FSTL4: variants seen among roughly 807,000 people sequenced by gnomAD.
FSTL4 encodes the protein follistatin-related protein 4.
A neutral mutation model predicts 78.2 loss-of-function variants in FSTL4; 28 were observed. The observed-to-expected ratio is 0.36, with a 90% CI of 0.27 to 0.49. The LOEUF (loss-of-function observed/expected upper bound fraction) is 0.49. FSTL4 is among the 20% of genes least tolerant of loss of function. The probability of loss-of-function intolerance (pLI) is 0.98; values close to 1 mark genes in which losing one functional copy is unlikely to be tolerated. For missense variants in FSTL4, 922 were observed against 1,084.9 expected, an observed-to-expected ratio of 0.85 and a Z score of 2.11; for synonymous variants, 422 against 440.5, an observed-to-expected ratio of 0.96 and a Z score of 0.53.
intron 4 of FSTL4, among the ~76,000 whole-genome samples, chr5:133,371,849 A>G (rs1755312465): frequency 6.6e-6 from 1 of 152,236 alleles, no homozygotes. Flanking sequence ...CTCCCGGGGC[A>G]GAAATTCCTC....
intron 7 of FSTL4, among the ~76,000 whole-genome samples, chr5:133,240,677 C>T (rs1751840185): frequency 6.6e-6 from 1 of 152,102 alleles, no homozygotes; most frequent in South Asian, 2.1e-4. Flanking sequence ...GCGCATGACT[C>T]ATCTCTTCGC....
chr5:133,601,884 A>G (rs35631735), intron 2 of FSTL4, among the ~76,000 whole-genome samples: 11,278 of 151,380 alleles, frequency 0.075, 455 homozygotes, highest in South Asian at 0.18. Flanking sequence ...GGGTTTTGCT[A>G]TGTTGCCCAG....
intron 6 of FSTL4, among the ~76,000 whole-genome samples, chr5:133,291,344 G>A (rs1352756536): frequency 6.6e-6 from 1 of 152,216 alleles, no homozygotes; most frequent in Non-Finnish European, 1.5e-5. Flanking sequence ...AGTAAATTGA[G>A]GGGAGCAGCG....
At chr5:133,268,162 A>G (rs1348873543) in intron 6 of FSTL4, among the ~76,000 whole-genome samples, 2 of 152,234 alleles carry the variant, frequency 1.3e-5, no homozygotes, top group Admixed American at 1.3e-4. Flanking sequence ...TAATCAGAAC[A>G]GAACTGATAA....
intron 3 of FSTL4, among the ~76,000 whole-genome samples, chr5:133,483,145 T>C (rs919051605): frequency 3.9e-5 from 6 of 152,190 alleles, no homozygotes; most frequent in Admixed American, 2.0e-4. Context: ...GCAGTTCCCC[T>C]GCACAAACTC....
chr5:133,407,888 T>G (rs1004154555), intron 3 of FSTL4, among the ~76,000 whole-genome samples: 2 of 152,240 alleles, frequency 1.3e-5, no homozygotes, highest in East Asian at 1.9e-4. Context: ...GTTTGCTTTC[T>G]TAATGAGAGA....
the FSTL4 span, among the ~76,000 whole-genome samples, chr5:133,806,581 T>C: frequency 6.6e-6 from 1 of 152,178 alleles, no homozygotes; most frequent in African/African-American, 2.4e-5. Flanking sequence ...TGCCAACTTG[T>C]TCTTATTAAT....
intron 3 of FSTL4, among the ~76,000 whole-genome samples, chr5:133,466,091 C>T (rs1757700351): frequency 1.3e-5 from 2 of 152,174 alleles, no homozygotes; most frequent in African/African-American, 4.8e-5. Flanking sequence ...AAGTGTTTAC[C>T]CACTTCTTGA....
In FSTL4 at chr5:133,197,605, A is replaced by T. The variant is rs1750182747; in HGVS notation, c.*1490T>A. 6.6e-6 allele frequency: 1 copy of T among 152,262 alleles called. No individual in the cohort carries two copies. The highest frequency in any genetic ancestry group is 2.1e-4 in the South Asian group (1 of 4,830). The allele number at this position is 152,262 out of a possible 1,614,324, so 9.4% of individuals were successfully genotyped here. On this transcript the variant is annotated 3_prime_UTR_variant, in exon 16 of 16. Transcript: ENST00000265342. ...GAGTCTAGGGTTTCCTCTCCTTGAAAGAGTTCATTCCTTAATGGCAAAGGA... is the reference window on the plus strand; with the variant it reads ...GAGTCTAGGGTTTCCTCTCCTTGAATGAGTTCATTCCTTAATGGCAAAGGA...
the FSTL4 span, among the ~76,000 whole-genome samples, chr5:133,741,153 C>T: frequency 4.6e-5 from 7 of 152,302 alleles, no homozygotes; most frequent in East Asian, 7.7e-4. Flanking sequence ...TTTCCAGACA[C>T]GCCTATGCCG....
intron 6 of FSTL4, among the ~76,000 whole-genome samples, chr5:133,280,230 C>A (rs1330780803): frequency 6.6e-6 from 1 of 152,198 alleles, no homozygotes; most frequent in Non-Finnish European, 1.5e-5. Context: ...GCTCTGACCC[C>A]TGGCCAATCA....
At chr5:133,675,834 C>A in the FSTL4 span, among the ~76,000 whole-genome samples, 313 of 152,298 alleles carry the variant, frequency 2.1e-3, no homozygotes, top group Non-Finnish European at 3.6e-3. Context: ...CAGGGGATTG[C>A]AGAAGGGCAG....
At chr5:133,734,931 T>A in the FSTL4 span, among the ~76,000 whole-genome samples, 7 of 152,134 alleles carry the variant, frequency 4.6e-5, no homozygotes, top group African/African-American at 7.2e-5. Context: ...CCATCATGGG[T>A]CAACAAGTGA....
intron 3 of FSTL4, among the ~76,000 whole-genome samples, chr5:133,437,644 C>T (rs1757064159): frequency 6.6e-6 from 1 of 151,896 alleles, no homozygotes; most frequent in Non-Finnish European, 1.5e-5. Flanking sequence ...TGCTCGCCAC[C>T]ACACCCGGTT....
intron 3 of FSTL4, among the ~76,000 whole-genome samples, chr5:133,450,905 C>T (rs961070572): frequency 2.0e-5 from 3 of 152,084 alleles, no homozygotes; most frequent in Non-Finnish European, 4.4e-5. Flanking sequence ...CTGGACAAGA[C>T]CCAGACCCCA....
intron 4 of FSTL4, among the ~76,000 whole-genome samples, chr5:133,345,147 A>AATGAG (rs1222557895): frequency 1.5e-4 from 23 of 152,206 alleles, no homozygotes; most frequent in Non-Finnish European, 2.8e-4. Flanking sequence ...ATATACAAGA[A>AATGAG]ATCTCATTTC....
At chr5:133,774,032 G>A in the FSTL4 span, among the ~76,000 whole-genome samples, 1 of 152,174 alleles carries the variant, frequency 6.6e-6, no homozygotes, top group African/African-American at 2.4e-5. Flanking sequence ...TAAGAGCAAT[G>A]GTGATTATGA....
the FSTL4 span, among the ~76,000 whole-genome samples, chr5:133,660,844 C>T: frequency 6.6e-6 from 1 of 152,148 alleles, no homozygotes; most frequent in African/African-American, 2.4e-5. Context: ...ATTATTGTTT[C>T]CAAGGAGTAA....
Position 133,400,996 on chromosome 5 carries a change from A to C in FSTL4, c.161-10T>G. 1 of 1,612,718 alleles carries C rather than the reference A, an allele frequency of 6.2e-7. No individual in the cohort carries two copies. Among genetic ancestry groups the C allele is most frequent in the Non-Finnish European group, 8.5e-7 (1 of 1,179,946 alleles). ...TTGTGGCTGGAAAGCCCTGCCAGACACACAAACACAGAGGGTCAGCTGTAA... is the reference window on the plus strand; with the variant it reads ...TTGTGGCTGGAAAGCCCTGCCAGACCCACAAACACAGAGGGTCAGCTGTAA... On this transcript the variant is annotated splice_polypyrimidine_tract_variant and intron_variant, in intron 3 of 15. Transcript: ENST00000265342.
Sources: allele counts gnomAD v4.1 joint callset (sites outside exome capture counted in the v4.1 genomes callset), GRCh38; gene constraint gnomAD v4.1.1; transcripts MANE v1.5; gene names NCBI Gene and HGNC (gene_info 2026-07-23, HGNC 2026-07-21).